Variants in NME7 observed in about 807,000 individuals in gnomAD.
The protein encoded by NME7 is NME/NM23 family member 7, also known as nucleoside diphosphate kinase 7.
In NME7, 41 loss-of-function variants were observed where a neutral mutation model predicts 49.1. The ratio of observed to expected loss-of-function variants is 0.83; its 90% CI spans 0.65 to 1.08. The LOEUF is 1.08. Among genes scored for constraint, NME7 ranks in the 50% least tolerant of loss-of-function variants. The pLI is 0.00. For synonymous variants in NME7, 139 were observed against 150.6 expected (o/e 0.92, Z 0.56); for missense variants, 423 against 463.4 (o/e 0.91, Z 0.80).
chr1:169,155,271 G>A (rs1659035585), intron 11 of NME7, among the ~76,000 whole-genome samples: 1 of 152,210 alleles, frequency 6.6e-6, no homozygotes, highest in Non-Finnish European at 1.5e-5. Flanking sequence ...ACCACCAGAT[G>A]GTGAGGGTCT....
chr1:169,167,783 T>G (rs1005697394), intron 11 of NME7, among the ~76,000 whole-genome samples: 13 of 152,216 alleles, frequency 8.5e-5, no homozygotes, highest in Middle Eastern at 3.4e-3. Flanking sequence ...CCTATTGGAG[T>G]TGCTATGGCA....
At chr1:169,307,828 T>A (rs982053438) in intron 4 of NME7, among the ~76,000 whole-genome samples, 69 of 152,092 alleles carry the variant, frequency 4.5e-4, no homozygotes, top group African/African-American at 1.6e-3. Flanking sequence ...AAGACTAGCT[T>A]GGCCAACATG....
At chr1:169,209,361 T>C (rs896569065) in intron 10 of NME7, among the ~76,000 whole-genome samples, 45 of 152,088 alleles carry the variant, frequency 3.0e-4, no homozygotes, top group African/African-American at 8.4e-4. Flanking sequence ...CAGAGAAACA[T>C]TGAAACAATG....
chr1:169,342,515 A>G (rs1652753572), intron 1 of NME7, among the ~76,000 whole-genome samples: 1 of 109,320 alleles, frequency 9.1e-6, no homozygotes. Context: ...ACATATATAT[A>G]TAGTATATAT....
At chr1:169,352,407 GGA>G in intron 1 of NME7, among the ~76,000 whole-genome samples, 1 of 151,880 alleles carries the variant, frequency 6.6e-6, no homozygotes, top group African/African-American at 2.4e-5. Context: ...TCAAAAAATT[GGA>G]TATAGAAGGA....
chr1:169,355,139 TATATA>T (rs1490017688), intron 1 of NME7, among the ~76,000 whole-genome samples: 1 of 36,848 alleles, frequency 2.7e-5, no homozygotes, highest in African/African-American at 1.0e-4. Flanking sequence ...ATAGATATAA[TATATA>T]ATATACTATA....
chr1:169,161,899 T>A (rs1356252698), intron 11 of NME7, among the ~76,000 whole-genome samples: 1 of 152,210 alleles, frequency 6.6e-6, no homozygotes, highest in Non-Finnish European at 1.5e-5. Context: ...AGATTTGTGA[T>A]CTCCCCAATT....
intron 6 of NME7, among the ~76,000 whole-genome samples, chr1:169,292,009 A>G (rs1650526989): frequency 6.6e-6 from 1 of 152,162 alleles, no homozygotes. Flanking sequence ...GTAGATGAAT[A>G]GAACACAACA....
chr1:169,234,540 A>G (rs1003260717), intron 9 of NME7, among the ~76,000 whole-genome samples: 1 of 152,170 alleles, frequency 6.6e-6, no homozygotes, highest in African/African-American at 2.4e-5. Flanking sequence ...AGTACTTTTA[A>G]TATGTGAGAC....
At chr1:169,294,026 C>G in intron 6 of NME7, among the ~76,000 whole-genome samples, 1 of 152,018 alleles carries the variant, frequency 6.6e-6, no homozygotes, top group South Asian at 2.1e-4. Context: ...TTTTTGTATA[C>G]TAATATTACA....
intron 7 of NME7, among the ~76,000 whole-genome samples, chr1:169,244,739 T>G (rs887690897): frequency 6.6e-6 from 1 of 152,180 alleles, no homozygotes; most frequent in African/African-American, 2.4e-5. Context: ...AATAGTTTTA[T>G]TTTGCCACAT....
At chr1:169,315,796 A>G (rs570731465) in intron 3 of NME7, among the ~76,000 whole-genome samples, 1 of 152,338 alleles carries the variant, frequency 6.6e-6, no homozygotes, top group Admixed American at 6.5e-5. Context: ...AAAGTAAAAA[A>G]TGTTTCAAAC....
chr1:169,237,741 T>G (rs1571315557), intron 7 of NME7, 54 bp from the exon 8 acceptor site: 1 of 1,432,220 alleles, frequency 7.0e-7, no homozygotes, highest in East Asian at 2.4e-5. Context: ...ACATTTTAGT[T>G]TCTTAGAAAT....
At position 169,298,595 on chromosome 1, in the gene NME7, A is replaced by G. The variant is rs758284329; in HGVS notation, c.609T>C (p.Asn203=). The change falls in exon 6 of 12, where the codon AAT becomes AAC. Residue 203 remains asparagine (N), a synonymous_variant. Coordinates refer to ENST00000367811, the MANE Select transcript of NME7 (RefSeq NM_013330.5). The part of the protein sequence containing the change: ...RALFGTDGIR[N]AAHGPDSFAS... ...CAAAAGAATCAGGGCCATGCGCTGCATTTCTTATGCCATCTGTTCCAAAGA... is the reference window on the plus strand; with the variant it reads ...CAAAAGAATCAGGGCCATGCGCTGCGTTTCTTATGCCATCTGTTCCAAAGA... 4 of 1,613,846 alleles carry G rather than the reference A, an allele frequency of 2.5e-6. No individual in the cohort carries two copies. In the South Asian group the frequency reaches 3.3e-5, roughly 13 times the overall value.
At chr1:169,288,894 A>C (rs1268123925) in intron 6 of NME7, among the ~76,000 whole-genome samples, 1 of 152,176 alleles carries the variant, frequency 6.6e-6, no homozygotes, top group African/African-American at 2.4e-5. Flanking sequence ...TGATCAATGA[A>C]GGAATGAAGT....
intron 1 of NME7, among the ~76,000 whole-genome samples, chr1:169,355,418 A>C (rs115395780): frequency 7.1e-6 from 1 of 140,540 alleles, no homozygotes; most frequent in African/African-American, 2.7e-5. Flanking sequence ...TACCCATAAA[A>C]ATTTTAATTT....
intron 10 of NME7, among the ~76,000 whole-genome samples, chr1:169,177,012 CTTTTA>C (rs1183509825): frequency 6.6e-6 from 1 of 151,976 alleles, no homozygotes; most frequent in Non-Finnish European, 1.5e-5. Context: ...AAGAGGCATT[CTTTTA>C]TTTTAACACC....
chr1:169,212,181 C>T (rs926984537), intron 10 of NME7, among the ~76,000 whole-genome samples: 15 of 152,038 alleles, frequency 9.9e-5, no homozygotes, highest in African/African-American at 2.7e-4. Context: ...TTTCTTTAGC[C>T]AGAATATTTT....
chr1:169,348,911 T>A (rs1221266463), intron 1 of NME7, among the ~76,000 whole-genome samples: 6 of 113,578 alleles, frequency 5.3e-5, no homozygotes, highest in Admixed American at 8.5e-5. Flanking sequence ...AAAAAAAAAA[T>A]TTTAAACATC....
Sources: allele counts gnomAD v4.1 joint callset (sites outside exome capture counted in the v4.1 genomes callset), GRCh38; gene constraint gnomAD v4.1.1; transcripts MANE v1.5; gene names NCBI Gene and HGNC (gene_info 2026-07-23, HGNC 2026-07-21).